The following ASPH variants were observed in gnomAD, a reference collection of about 807,000 sequenced individuals.
The protein encoded by ASPH is aspartate beta-hydroxylase, also known as aspartyl/asparaginyl beta-hydroxylase.
In ASPH, 100 loss-of-function variants were observed where a neutral mutation model predicts 118.4. That is an observed-to-expected ratio of 0.84 (90% confidence interval 0.72 to 1.00). The LOEUF is 1.00. Among genes scored for constraint, ASPH ranks in the 50% least tolerant of loss-of-function variants. The pLI is 0.00. For missense variants in ASPH, 920 were observed against 919.5 expected (o/e 1.00, Z -0.01); for synonymous variants, 315 against 325.6 (o/e 0.97, Z 0.35).
intron 3 of ASPH, among the ~76,000 whole-genome samples, chr8:61,678,089 A>T (rs1338253900): frequency 6.6e-6 from 1 of 151,906 alleles, no homozygotes; most frequent in African/African-American, 2.4e-5. Flanking sequence ...CCATCAGCTC[A>T]CTCATGCATC....
At chr8:61,641,310 C>T (rs375445919) in intron 10 of ASPH, among the ~76,000 whole-genome samples, 2 of 152,160 alleles carry the variant, frequency 1.3e-5, no homozygotes, top group East Asian at 3.9e-4. Flanking sequence ...AATTGCATTC[C>T]AAACATGTTC....
intron 15 of ASPH, chr8:61,583,527 G>A (rs1563914463): frequency 6.8e-6 from 1 of 147,794 alleles, no homozygotes; most frequent in Middle Eastern, 3.0e-3. Context: ...TTCAGCCTGG[G>A]TGGAGGCTCT....
chr8:61,546,076 C>T (rs2130801563), intron 21 of ASPH, among the ~76,000 whole-genome samples: 1 of 152,260 alleles, frequency 6.6e-6, no homozygotes, highest in African/African-American at 2.4e-5. Context: ...CAGGAGGTTT[C>T]CAGAAGGCCA....
At chr8:61,589,191 T>C (rs1840360346) in intron 14 of ASPH, among the ~76,000 whole-genome samples, 2 of 152,194 alleles carry the variant, frequency 1.3e-5, no homozygotes, top group Non-Finnish European at 2.9e-5. Flanking sequence ...TGTATCTAGA[T>C]GTATATGCAT....
chr8:61,594,646 A>C (rs1842050125), intron 14 of ASPH, among the ~76,000 whole-genome samples: 1 of 152,258 alleles, frequency 6.6e-6, no homozygotes, highest in Non-Finnish European at 1.5e-5. Flanking sequence ...GACCACATTC[A>C]TATAACTTTT....
rs1208131660 is a variant in ASPH, at chr8:61,501,687, AT to A, written c.*1671del. 1.3e-5 allele frequency: 2 copies of A among 152,154 alleles called. No individual in the cohort carries two copies. Among genetic ancestry groups the A allele is most frequent in the Non-Finnish European group, 2.9e-5 (2 of 68,024 alleles). 9.4% of individuals were successfully genotyped at this position (152,154 alleles called of 1,614,324 possible). A position where few individuals can be genotyped will look rare whatever the true frequency, so the allele number is the denominator to read the frequency against. ...CTCGATTTTAGTAATTAATTTGGAT[AT>A]TTTTCCTCCCATGCCTCTTCATCTG... On this transcript the variant is annotated 3_prime_UTR_variant, in exon 25 of 25. Transcript: ENST00000379454.
intron 24 of ASPH, among the ~76,000 whole-genome samples, chr8:61,513,333 G>T (rs1809612913): frequency 6.6e-6 from 1 of 152,148 alleles, no homozygotes; most frequent in Non-Finnish European, 1.5e-5. Flanking sequence ...TCTACTATCA[G>T]ATTTCTAGCT....
chr8:61,586,286 G>A (rs1352826188), intron 14 of ASPH, among the ~76,000 whole-genome samples: 1 of 152,132 alleles, frequency 6.6e-6, no homozygotes, highest in Non-Finnish European at 1.5e-5. Context: ...TTCCAGCTGA[G>A]CTACAAACCA....
intron 14 of ASPH, among the ~76,000 whole-genome samples, chr8:61,592,380 G>T (rs1026502464): frequency 3.9e-5 from 6 of 152,144 alleles, no homozygotes; most frequent in African/African-American, 1.4e-4. Context: ...ACATTTCCCT[G>T]GCAGAGATTT....
intron 10 of ASPH, among the ~76,000 whole-genome samples, chr8:61,642,426 A>G (rs1805584844): frequency 6.6e-6 from 1 of 152,252 alleles, no homozygotes; most frequent in Non-Finnish European, 1.5e-5. Flanking sequence ...TGGAATGGGT[A>G]AACAGTCTCC....
chr8:61,507,067 C>T lies in ASPH; in HGVS notation c.2127-3558G>A, dbSNP rs573566903. Among the ~76,000 whole-genome samples, 17 of 152,186 alleles carry T rather than the reference C, an allele frequency of 1.1e-4. No homozygotes were observed. In the South Asian group the frequency reaches 1.2e-3, roughly 11 times the overall value. On this transcript the variant is annotated intron_variant, in intron 24 of 24. Transcript: ENST00000379454. ...TGACATTTTTCACTAGATTATGATA[C>T]GTATAACAAAGCCAAAGATCTAGAA...
intron 24 of ASPH, among the ~76,000 whole-genome samples, chr8:61,512,145 G>A (rs1322920803): frequency 6.6e-6 from 1 of 152,130 alleles, no homozygotes; most frequent in Non-Finnish European, 1.5e-5. Context: ...CAGAATGCCT[G>A]GGACTGAACC....
intron 14 of ASPH, among the ~76,000 whole-genome samples, chr8:61,611,853 G>A (rs902254305): frequency 6.6e-6 from 1 of 152,202 alleles, no homozygotes; most frequent in Non-Finnish European, 1.5e-5. Context: ...CACTGTTGGA[G>A]AGTCAGATTT....
chr8:61,697,857 G>C (rs548439052), intron 1 of ASPH, among the ~76,000 whole-genome samples: 4 of 152,232 alleles, frequency 2.6e-5, no homozygotes, highest in African/African-American at 9.6e-5. Flanking sequence ...AGTGCAATCA[G>C]AGTTCACTGT....
intron 16 of ASPH, among the ~76,000 whole-genome samples, chr8:61,574,557 A>G (rs1447899299): frequency 6.6e-6 from 1 of 152,224 alleles, no homozygotes; most frequent in Non-Finnish European, 1.5e-5. Flanking sequence ...AGGGACGTGG[A>G]TGAAGCTGGA....
intron 1 of ASPH, among the ~76,000 whole-genome samples, chr8:61,686,435 T>A (rs1830567103): frequency 6.6e-6 from 1 of 152,020 alleles, no homozygotes; most frequent in African/African-American, 2.4e-5. Context: ...TACTAAAATT[T>A]GAAGAAAAAA....
intron 15 of ASPH, chr8:61,579,476 T>C (rs531835199): frequency 1.9e-6 from 3 of 1,601,968 alleles, no homozygotes; most frequent in South Asian, 2.2e-5. Flanking sequence ...CCAGCGGCTA[T>C]GCAGGTGGTC....
chr8:61,632,177 C>G (rs1253425852), intron 13 of ASPH, among the ~76,000 whole-genome samples: 1 of 152,076 alleles, frequency 6.6e-6, no homozygotes, highest in African/African-American at 2.4e-5. Flanking sequence ...AAAAAAGCAC[C>G]TTATTCCATC....
intron 15 of ASPH, 71 bp from the exon 16 acceptor site, chr8:61,576,929 A>T (rs1835345649): frequency 7.6e-7 from 1 of 1,309,220 alleles, no homozygotes; most frequent in African/African-American, 1.5e-5. Context: ...GTTATTTAAT[A>T]TTCAGCAAGT....
Sources: gnomAD v4.1 joint callset for allele counts (sites outside exome capture counted in the v4.1 genomes callset) on GRCh38, gnomAD v4.1.1 for gene constraint, MANE v1.5 for transcripts, NCBI Gene and HGNC (gene_info 2026-07-23, HGNC 2026-07-21) for gene names.